PCDH11X: variants seen among roughly 807,000 people sequenced by gnomAD.
The protein encoded by PCDH11X is protocadherin 11 X-linked, also known as protocadherin-11 X-linked.
PCDH11X carries 18 observed loss-of-function variants against 53.3 expected under a neutral mutation model. The ratio of observed to expected loss-of-function variants is 0.34; its 90% CI spans 0.23 to 0.50. PCDH11X has a LOEUF of 0.50. Ranked by LOEUF, PCDH11X falls within the 20% of genes least tolerant of loss-of-function variation. The pLI is 0.98. For missense variants in PCDH11X, 570 were observed against 1,032.4 expected (o/e 0.55, Z 6.14); for synonymous variants, 279 against 393.3 (o/e 0.71, Z 3.44).
chrX:91,918,581 T>C (rs1941647545), intron 6 of PCDH11X, among the ~76,000 whole-genome samples: 1 of 111,025 alleles, frequency 9.0e-6, no homozygotes, highest in African/African-American at 3.3e-5. Flanking sequence ...ATGTTGTTGA[T>C]TGAGAGACAG....
intron 10 of PCDH11X, among the ~76,000 whole-genome samples, chrX:92,490,426 G>A (rs2073734773): frequency 9.0e-6 from 1 of 111,616 alleles, no homozygotes; most frequent in African/African-American, 3.3e-5. Context: ...GTCAGAAATA[G>A]GCGTTTACAA....
chrX:91,915,744 G>A (rs1941537905), intron 6 of PCDH11X, among the ~76,000 whole-genome samples: 1 of 111,323 alleles, frequency 9.0e-6, no homozygotes, highest in Admixed American at 9.6e-5. Context: ...CATAATAATA[G>A]TGCAGGACTT....
At chrX:92,037,867 C>A (rs1329987173) in intron 6 of PCDH11X, among the ~76,000 whole-genome samples, 2 of 103,574 alleles carry the variant, frequency 1.9e-5, no homozygotes, top group Non-Finnish European at 3.9e-5. Flanking sequence ...CTGTTCATAT[C>A]ATTTGCCCCC....
At chrX:92,498,590 T>C (rs1354091580) in intron 10 of PCDH11X, among the ~76,000 whole-genome samples, 1 of 110,297 alleles carries the variant, frequency 9.1e-6, no homozygotes, top group Admixed American at 9.8e-5. Flanking sequence ...ATTGGCCATA[T>C]AGTTAACTTT....
At chrX:92,232,367 G>C (rs1425207254) in intron 7 of PCDH11X, among the ~76,000 whole-genome samples, 1 of 111,771 alleles carries the variant, frequency 8.9e-6, no homozygotes, top group Admixed American at 9.5e-5. Flanking sequence ...ATGTACTATA[G>C]TGAACCACTA....
intron 10 of PCDH11X, among the ~76,000 whole-genome samples, chrX:92,514,434 T>A (rs2074219181): frequency 9.2e-6 from 1 of 108,737 alleles, no homozygotes. Flanking sequence ...GTGATCAAAA[T>A]TAATACCTTT....
chrX:92,210,601 C>G (rs1028727552), intron 7 of PCDH11X, among the ~76,000 whole-genome samples: 7 of 111,207 alleles, frequency 6.3e-5, no homozygotes, highest in Admixed American at 5.8e-4. Flanking sequence ...AACTTTTATG[C>G]TCTACTTCCA....
At chrX:92,152,812 T>TA in intron 6 of PCDH11X, among the ~76,000 whole-genome samples, 1 of 110,452 alleles carries the variant, frequency 9.1e-6, no homozygotes, top group East Asian at 2.9e-4. Context: ...TTTATTTATT[T>TA]TTTGAGACGG....
chrX:92,067,272 C>T (rs1245089100), intron 6 of PCDH11X, among the ~76,000 whole-genome samples: 1 of 110,164 alleles, frequency 9.1e-6, no homozygotes, highest in Non-Finnish European at 1.9e-5. Context: ...AGTTTTTCCC[C>T]ATTAACTATA....
intron 6 of PCDH11X, among the ~76,000 whole-genome samples, chrX:91,961,818 C>G (rs1024177155): frequency 9.4e-4 from 102 of 108,307 alleles, no homozygotes; most frequent in Non-Finnish European, 1.7e-3. Flanking sequence ...ACTCAGGAAA[C>G]TTACAATCAT....
At chrX:91,889,602 C>T (rs1050109610) in intron 6 of PCDH11X, among the ~76,000 whole-genome samples, 5 of 112,311 alleles carry the variant, frequency 4.5e-5, no homozygotes, top group Admixed American at 9.5e-5. Context: ...CGTGAGCCAG[C>T]GCACCTGGCC....
intron 6 of PCDH11X, among the ~76,000 whole-genome samples, chrX:92,181,474 T>G (rs59850298): frequency 0.5 from 55,837 of 110,575 alleles, 10,564 homozygotes; most frequent in Non-Finnish European, 0.6. Context: ...ATTTGCATAA[T>G]TAATGAGGAG....
Position 91,824,407 on chromosome X carries a change from C to T in PCDH11X, c.-44-11054C>T, listed in dbSNP as rs1002748670. On this transcript the variant is annotated intron_variant, in intron 4 of 10. Coordinates refer to ENST00000682573, the MANE Select transcript of PCDH11X (RefSeq NM_032968.5). ...TCTTTTTTCTCTAAACTTCCCTTCTCACTTCATTTCATTCATTTCATCTTC... is the reference window on the plus strand; with the variant it reads ...TCTTTTTTCTCTAAACTTCCCTTCTTACTTCATTTCATTCATTTCATCTTC... Among the ~76,000 whole-genome samples the T allele has an allele frequency of 3.9e-3, 436 of 110,528 alleles. 1 individual carries two copies. The highest frequency in any genetic ancestry group is 6.1e-3 in the Non-Finnish European group (322 of 52,994).
Position 91,816,383 on chromosome X carries a change from C to G in PCDH11X, c.-45+5088C>G, listed in dbSNP as rs143821973. Among the ~76,000 whole-genome samples the G allele has an allele frequency of 9.0e-4, 100 of 110,774 alleles. 1 individual carries two copies. In the East Asian group the frequency reaches 0.025, roughly 28 times the overall value. ...TTTTAGGGAAGAAAGGGATTGGGAA[C>G]AAGACTATATGTTGTATAGGGAACA... On this transcript the variant is annotated intron_variant, in intron 4 of 10. Transcript: ENST00000682573.
At chrX:92,495,089 T>C (rs1368748883) in intron 10 of PCDH11X, among the ~76,000 whole-genome samples, 231 of 105,204 alleles carry the variant, frequency 2.2e-3, no homozygotes, top group Non-Finnish European at 3.9e-3. Flanking sequence ...AGATTTTTAA[T>C]AGTGAGGTTC....
intron 9 of PCDH11X, among the ~76,000 whole-genome samples, chrX:92,419,856 A>G (rs1185689821): frequency 9.4e-6 from 1 of 106,837 alleles, no homozygotes; most frequent in Non-Finnish European, 1.9e-5. Context: ...ATTTTTTTGT[A>G]TTTTTAGTAG....
intron 6 of PCDH11X, among the ~76,000 whole-genome samples, chrX:92,051,001 AG>A (rs1222951299): frequency 4.5e-5 from 5 of 111,998 alleles, no homozygotes; most frequent in Non-Finnish European, 7.5e-5. Flanking sequence ...AATCTACAAA[AG>A]TTTATTCATA....
chrX:92,039,840 C>T (rs1403986292), intron 6 of PCDH11X, among the ~76,000 whole-genome samples: 1 of 109,517 alleles, frequency 9.1e-6, no homozygotes, highest in African/African-American at 3.4e-5. Flanking sequence ...CTGAAGCCAG[C>T]ATGTCTCACA....
At chrX:91,936,806 T>C (rs1340617617) in intron 6 of PCDH11X, among the ~76,000 whole-genome samples, 4 of 108,247 alleles carry the variant, frequency 3.7e-5, no homozygotes, top group South Asian at 7.6e-4. Flanking sequence ...ATGATCGTAA[T>C]TGAATGGGCT....
Sources: allele counts gnomAD v4.1 joint callset (sites outside exome capture counted in the v4.1 genomes callset), GRCh38; gene constraint gnomAD v4.1.1; transcripts MANE v1.5; gene names NCBI Gene and HGNC (gene_info 2026-07-23, HGNC 2026-07-21).